ADAM12: variants seen among roughly 807,000 people sequenced by gnomAD.
The protein encoded by ADAM12 is disintegrin and metalloproteinase domain-containing protein 12.
ADAM12 carries 70 observed loss-of-function variants against 106.4 expected under a neutral mutation model. The observed-to-expected ratio is 0.66, with a 90% CI of 0.54 to 0.80. The LOEUF (loss-of-function observed/expected upper bound fraction) is 0.80. ADAM12 is among the 30% of genes least tolerant of loss of function. ADAM12 has a pLI of 0.00. For synonymous variants in ADAM12, 420 were observed against 433.5 expected (o/e 0.97, Z 0.39); for missense variants, 1,010 against 1,171.9 (o/e 0.86, Z 2.02).
chr10:126,028,130 C>T (rs147478099), intron 21 of ADAM12, among the ~76,000 whole-genome samples: 183 of 152,050 alleles, frequency 1.2e-3, no homozygotes, highest in African/African-American at 4.2e-3. Context: ...CTACAAGGGA[C>T]ATGAAGGACC....
intron 5 of ADAM12, among the ~76,000 whole-genome samples, chr10:126,124,560 A>G (rs905159998): frequency 6.6e-6 from 1 of 152,032 alleles, no homozygotes; most frequent in Non-Finnish European, 1.5e-5. Context: ...ACGACAGAGG[A>G]GGTAAGAGTT....
At chr10:126,310,728 CATT>C (rs1961046255) in intron 2 of ADAM12, among the ~76,000 whole-genome samples, 1 of 152,092 alleles carries the variant, frequency 6.6e-6, no homozygotes, top group African/African-American at 2.4e-5. Context: ...GGATGTGTCT[CATT>C]ATCAATGGGA....
At chr10:126,172,354 A>T (rs1239951892) in intron 3 of ADAM12, among the ~76,000 whole-genome samples, 1 of 152,206 alleles carries the variant, frequency 6.6e-6, no homozygotes, top group Non-Finnish European at 1.5e-5. Flanking sequence ...GTCCTGAGGA[A>T]TCATTACTAA....
chr10:126,334,336 T>C (rs1854620641), intron 1 of ADAM12, among the ~76,000 whole-genome samples: 1 of 152,194 alleles, frequency 6.6e-6, no homozygotes, highest in East Asian at 1.9e-4. Context: ...GTTACCTAAA[T>C]AAGAAATGTG....
rs543415876 is a variant in ADAM12, at chr10:126,348,828, G to A, written c.89-18319C>T. On this transcript the variant is annotated intron_variant, in intron 1 of 22. Transcript: ENST00000448723. ...TTCCAGTTGAATCTAATTTCAGATAGACAATGAATAATTCTTTAGGATAAA... is the reference window on the plus strand; with the variant it reads ...TTCCAGTTGAATCTAATTTCAGATAAACAATGAATAATTCTTTAGGATAAA... Among the ~76,000 whole-genome samples the A allele has an allele frequency of 1.2e-4, 19 of 152,258 alleles. 2 individuals carry two copies. Among genetic ancestry groups the A allele is most frequent in the African/African-American group, 4.3e-4 (18 of 41,548 alleles).
At chr10:126,172,604 C>A (rs1957138938) in intron 3 of ADAM12, among the ~76,000 whole-genome samples, 1 of 152,158 alleles carries the variant, frequency 6.6e-6, no homozygotes, top group African/African-American at 2.4e-5. Flanking sequence ...AGTCAGGAAA[C>A]AACAGATGCT....
Position 126,135,698 on chromosome 10 carries a change from A to T in ADAM12, c.340-38T>A, listed in dbSNP as rs201808037. On this transcript the variant is annotated intron_variant, in intron 4 of 22. Transcript: ENST00000448723. ...AGGAGAGAATCCCATTTCAGTTATAACACATTTTTGCCCACTTATAATAAA... is the reference window on the plus strand; with the variant it reads ...AGGAGAGAATCCCATTTCAGTTATATCACATTTTTGCCCACTTATAATAAA... 2.5e-6 allele frequency: 4 copies of T among 1,582,378 alleles called. No homozygotes were observed. In the East Asian group the frequency reaches 8.9e-5, roughly 35 times the overall value.
intron 2 of ADAM12, among the ~76,000 whole-genome samples, chr10:126,305,908 C>A (rs1411837765): frequency 2.0e-5 from 3 of 151,972 alleles, no homozygotes; most frequent in East Asian, 3.8e-4. Flanking sequence ...TGTTTGCTTG[C>A]ATGGCATATA....
chr10:126,095,032 A>G (rs986152414), intron 10 of ADAM12, among the ~76,000 whole-genome samples: 1 of 152,194 alleles, frequency 6.6e-6, no homozygotes, highest in African/African-American at 2.4e-5. Context: ...CAGTGCCTAT[A>G]TACAACATTT....
At chr10:126,337,012 T>G (rs1053080666) in intron 1 of ADAM12, among the ~76,000 whole-genome samples, 4 of 152,180 alleles carry the variant, frequency 2.6e-5, no homozygotes, top group Non-Finnish European at 4.4e-5. Context: ...AGATCATAGA[T>G]GCAAACATGT....
intron 20 of ADAM12, among the ~76,000 whole-genome samples, 196 bp from the exon 21 acceptor site, chr10:126,036,521 C>G (rs1954063679): frequency 6.6e-6 from 1 of 152,166 alleles, no homozygotes; most frequent in African/African-American, 2.4e-5. Flanking sequence ...GAAGCATCAC[C>G]TGCCTCCACC....
In ADAM12 at chr10:126,330,637, C is replaced by G. The variant is rs1245603127; in HGVS notation, c.89-128G>C. 8.2e-6 allele frequency: 6 copies of G among 730,102 alleles called. No homozygotes were observed. The East Asian group carries it at 1.1e-4, about 13-fold the overall frequency. The allele number at this position is 730,102 out of a possible 1,614,324, so 45.2% of individuals were successfully genotyped here. A position where few individuals can be genotyped will look rare whatever the true frequency, so the allele number is the denominator to read the frequency against. On this transcript the variant is annotated intron_variant, in intron 1 of 22. Coordinates refer to ENST00000448723, the MANE Select transcript of ADAM12 (RefSeq NM_001288973.2). The stretch of plus-strand genomic sequence containing the variant: ...AATAAGCCCAGGGAAACACTAGAAC[C>G]CATTAAGTCATGAAAAGTGTTAAAA...
rs1956390521 is a variant in ADAM12, at chr10:126,135,592, A to G, written c.408T>C (p.Ser136=). The part of the protein sequence containing the change: ...SDSAVSLSTC[S]GLRGLIVFEN... ...TGGTCATGGCCACTTACCTGAGACCAGAACACGTGCTGAGACTGACTGCTG... is the reference window on the plus strand; with the variant it reads ...TGGTCATGGCCACTTACCTGAGACCGGAACACGTGCTGAGACTGACTGCTG... The change falls in exon 5 of 23, where the codon TCT becomes TCC. Residue 136 remains serine, a synonymous_variant. Transcript: ENST00000448723. 4 of 1,614,078 alleles carry G rather than the reference A, an allele frequency of 2.5e-6. No homozygotes were observed. The Admixed American group carries it at 6.7e-5, about 27-fold the overall frequency.
At chr10:126,017,550 A>G (rs1953682812) in intron 22 of ADAM12, among the ~76,000 whole-genome samples, 1 of 152,206 alleles carries the variant, frequency 6.6e-6, no homozygotes. Context: ...TCCCACAGAA[A>G]AAATGTGAGC....
At chr10:126,268,534 A>C (rs925932827) in intron 3 of ADAM12, among the ~76,000 whole-genome samples, 2 of 152,224 alleles carry the variant, frequency 1.3e-5, no homozygotes, top group African/African-American at 4.8e-5. Context: ...TACTGTCAGC[A>C]TGCAACAAAT....
At chr10:126,198,500 T>G in intron 3 of ADAM12, among the ~76,000 whole-genome samples, 1 of 152,156 alleles carries the variant, frequency 6.6e-6, no homozygotes, top group East Asian at 1.9e-4. Context: ...CTATCTGGTT[T>G]GTGGACGCAA....
chr10:126,039,558 AT>A, intron 18 of ADAM12, 129 bp from the exon 19 acceptor site: 1 of 1,075,718 alleles, frequency 9.3e-7, no homozygotes, highest in Non-Finnish European at 1.4e-6. Context: ...CCCGTGAGTG[AT>A]GTACTAATAA....
intron 2 of ADAM12, among the ~76,000 whole-genome samples, chr10:126,297,301 G>T (rs1377961874): frequency 6.6e-6 from 1 of 152,194 alleles, no homozygotes; most frequent in Non-Finnish European, 1.5e-5. Context: ...CCAGCACTTT[G>T]GGAGGCCAAG....
intron 14 of ADAM12, among the ~76,000 whole-genome samples, chr10:126,061,925 T>C (rs1247716807): frequency 6.6e-6 from 1 of 152,168 alleles, no homozygotes; most frequent in African/African-American, 2.4e-5. Flanking sequence ...GCCTGTAAAC[T>C]GGAAACCAGG....
Sources: allele counts gnomAD v4.1 joint callset (sites outside exome capture counted in the v4.1 genomes callset), GRCh38; gene constraint gnomAD v4.1.1; transcripts MANE v1.5; gene names NCBI Gene and HGNC (gene_info 2026-07-23, HGNC 2026-07-21).